The following MSI2 variants were observed in gnomAD, a reference collection of about 807,000 sequenced individuals.
MSI2 encodes RNA-binding protein Musashi homolog 2.
In MSI2, 17 loss-of-function variants were observed where a neutral mutation model predicts 45.6. The ratio of observed to expected loss-of-function variants is 0.37; its 90% CI spans 0.26 to 0.56. The LOEUF is 0.56. MSI2 is among the 20% of genes least tolerant of loss of function. The probability of loss-of-function intolerance (pLI) is 0.77; values close to 1 mark genes in which losing one functional copy is unlikely to be tolerated. For synonymous variants in MSI2, 156 were observed against 158.2 expected (o/e 0.99, Z 0.11); for missense variants, 293 against 444.2 (o/e 0.66, Z 3.06).
At chr17:57,283,496 G>T (rs1289489901) in intron 5 of MSI2, among the ~76,000 whole-genome samples, 1 of 152,174 alleles carries the variant, frequency 6.6e-6, no homozygotes, top group Non-Finnish European at 1.5e-5. Flanking sequence ...TGAGATGGAT[G>T]CCAAACCTGA....
At chr17:57,325,511 G>A (rs573727234) in intron 5 of MSI2, among the ~76,000 whole-genome samples, 94 of 152,354 alleles carry the variant, frequency 6.2e-4, no homozygotes, top group South Asian at 5.0e-3. Context: ...ACGTGTTTGA[G>A]TCCTGAACAC....
intron 8 of MSI2, among the ~76,000 whole-genome samples, chr17:57,606,093 C>T (rs1205031048): frequency 1.3e-5 from 2 of 152,216 alleles, no homozygotes; most frequent in Non-Finnish European, 2.9e-5. Flanking sequence ...CCTACCTGGC[C>T]GACAGGTGCA....
At chr17:57,378,484 G>A (rs766803962) in intron 5 of MSI2, among the ~76,000 whole-genome samples, 10 of 152,066 alleles carry the variant, frequency 6.6e-5, no homozygotes, top group East Asian at 1.9e-4. Flanking sequence ...GGCTGGTGTC[G>A]ATCTCCTGAC....
At chr17:57,656,335 C>CTT (rs1345802679) in intron 11 of MSI2, among the ~76,000 whole-genome samples, 1 of 152,220 alleles carries the variant, frequency 6.6e-6, no homozygotes, top group Non-Finnish European at 1.5e-5. Context: ...TGGAAGGAGT[C>CTT]TTAAAGGTCT....
At chr17:57,358,983 C>A (rs1916639307) in intron 5 of MSI2, among the ~76,000 whole-genome samples, 1 of 152,150 alleles carries the variant, frequency 6.6e-6, no homozygotes, top group Non-Finnish European at 1.5e-5. Flanking sequence ...TGTTCACCCA[C>A]AAAAGTCTCT....
Position 57,459,044 on chromosome 17 carries a change from G to A in MSI2, c.405+57573G>A, listed in dbSNP as rs78246655. On this transcript the variant is annotated intron_variant, in intron 6 of 13. Transcript: ENST00000284073. ...CCCTCTTTGTAAGAGCTGGATGGAT[G>A]GGAGCTTGGCAGAGGCAGGCCAATG... is the stretch of plus-strand genomic sequence containing the variant. Among the ~76,000 whole-genome samples, 54 of 152,332 alleles carry A rather than the reference G, an allele frequency of 3.5e-4. No homozygotes were observed. The East Asian group carries it at 9.5e-3, about 27-fold the overall frequency.
At chr17:57,315,050 T>G (rs1032382037) in intron 5 of MSI2, among the ~76,000 whole-genome samples, 5 of 152,138 alleles carry the variant, frequency 3.3e-5, no homozygotes, top group Non-Finnish European at 4.4e-5. Context: ...TTAGGAGCTT[T>G]TGAAAGCTCA....
At position 57,338,623 on chromosome 17, in the gene MSI2, G is replaced by C. The variant is rs78158488; in HGVS notation, c.313-62756G>C. 4.7e-3 allele frequency among the ~76,000 whole-genome samples: 717 copies of C among 152,302 alleles called. 4 individuals carry two copies. Among genetic ancestry groups the C allele is most frequent in the Non-Finnish European group, 7.2e-3 (491 of 68,026 alleles). On this transcript the variant is annotated intron_variant, in intron 5 of 13. Coordinates refer to ENST00000284073, the MANE Select transcript of MSI2 (RefSeq NM_138962.4). ...CGTAGCCGGGTCTCTGCCTGGAGGA[G>C]CGGGCTGGTGTTAATTCACTGACCC...
At chr17:57,547,560 G>A (rs2087197464) in intron 7 of MSI2, among the ~76,000 whole-genome samples, 2 of 151,388 alleles carry the variant, frequency 1.3e-5, no homozygotes, top group African/African-American at 4.9e-5. Flanking sequence ...TGAGGGGAGA[G>A]AGAAAAATTA....
chr17:57,692,669 A>G, the MSI2 span, among the ~76,000 whole-genome samples: 3 of 151,952 alleles, frequency 2.0e-5, no homozygotes, highest in Non-Finnish European at 4.4e-5. Context: ...TTTCTCTTTC[A>G]CTTTTGGAAG....
intron 6 of MSI2, among the ~76,000 whole-genome samples, chr17:57,504,945 A>G (rs1466121453): frequency 6.7e-6 from 1 of 150,368 alleles, no homozygotes; most frequent in Non-Finnish European, 1.5e-5. Context: ...AAAAAAAAAA[A>G]GAAGAAAAAG....
At chr17:57,630,108 T>A (rs1210335193) in intron 10 of MSI2, 1 of 149,962 alleles carries the variant, frequency 6.7e-6, no homozygotes, top group African/African-American at 2.4e-5. Flanking sequence ...GTGACCAGAT[T>A]GAGGCTGGGC....
intron 6 of MSI2, among the ~76,000 whole-genome samples, chr17:57,503,620 C>T (rs1305003396): frequency 1.3e-5 from 2 of 152,222 alleles, no homozygotes; most frequent in East Asian, 1.9e-4. Context: ...CCAGAGCTGA[C>T]GTTCATCCGT....
intron 5 of MSI2, among the ~76,000 whole-genome samples, chr17:57,307,944 G>A (rs887629034): frequency 6.6e-6 from 1 of 152,152 alleles, no homozygotes; most frequent in African/African-American, 2.4e-5. Flanking sequence ...ACAGTGTCTT[G>A]TTCTCTGCTC....
intron 5 of MSI2, among the ~76,000 whole-genome samples, chr17:57,396,358 T>C (rs566128362): frequency 6.6e-6 from 1 of 151,286 alleles, no homozygotes; most frequent in African/African-American, 2.4e-5. Context: ...TTTTCTAACC[T>C]CCCCTTACCC....
chr17:57,525,525 C>A (rs1485150498), intron 6 of MSI2, among the ~76,000 whole-genome samples: 1 of 152,114 alleles, frequency 6.6e-6, no homozygotes, highest in Non-Finnish European at 1.5e-5. Context: ...TGGCCTCAAG[C>A]GATTTTCCCA....
At chr17:57,515,516 C>A (rs1403164223) in intron 6 of MSI2, among the ~76,000 whole-genome samples, 2 of 152,062 alleles carry the variant, frequency 1.3e-5, no homozygotes, top group Admixed American at 6.5e-5. Flanking sequence ...TATCTGAATT[C>A]TTTTCTTTAT....
chr17:57,451,716 ATT>A (rs1191888353), intron 6 of MSI2, among the ~76,000 whole-genome samples: 2 of 152,200 alleles, frequency 1.3e-5, no homozygotes, highest in Non-Finnish European at 2.9e-5. Context: ...GGAGCTGCAG[ATT>A]TTGAGAAAGC....
chr17:57,296,497 A>G (rs191119296), intron 5 of MSI2, among the ~76,000 whole-genome samples: 14 of 152,312 alleles, frequency 9.2e-5, no homozygotes, highest in Admixed American at 7.8e-4. Flanking sequence ...AGGCCAGAAG[A>G]TCGTGTCAAA....
Sources: gnomAD v4.1 joint callset for allele counts (sites outside exome capture counted in the v4.1 genomes callset) on GRCh38, gnomAD v4.1.1 for gene constraint, MANE v1.5 for transcripts, NCBI Gene and HGNC (gene_info 2026-07-23, HGNC 2026-07-21) for gene names.